DLG2: variants seen among roughly 807,000 people sequenced by gnomAD.
The protein encoded by DLG2 is discs large MAGUK scaffold protein 2.
A neutral mutation model predicts 132.5 loss-of-function variants in DLG2; 45 were observed. That is an observed-to-expected ratio of 0.34 (90% confidence interval 0.27 to 0.44). The LOEUF (loss-of-function observed/expected upper bound fraction) is 0.44, where lower values mean the gene tolerates loss of function less well. Ranked by LOEUF, DLG2 falls within the 20% of genes least tolerant of loss-of-function variation. The pLI is 1.00. For missense variants in DLG2, 1,045 were observed against 1,196.9 expected (o/e 0.87, Z 1.87); for synonymous variants, 424 against 419.6 (o/e 1.01, Z -0.13).
At chr11:83,503,420 T>TAGATATAGATAG (rs1320528874) in intron 21 of DLG2, among the ~76,000 whole-genome samples, 1 of 78,360 alleles carries the variant, frequency 1.3e-5, no homozygotes, top group Non-Finnish European at 2.7e-5. Context: ...TATATATATA[T>TAGATATAGATAG]ATAGATAGAT....
At chr11:84,728,522 G>A (rs2062770875) in intron 6 of DLG2, among the ~76,000 whole-genome samples, 1 of 152,162 alleles carries the variant, frequency 6.6e-6, no homozygotes, top group Non-Finnish European at 1.5e-5. Context: ...TCGCATCGAT[G>A]TTCATCAGGA....
chr11:83,683,655 A>C (rs1285783123), intron 18 of DLG2, among the ~76,000 whole-genome samples: 2 of 152,242 alleles, frequency 1.3e-5, no homozygotes, highest in East Asian at 1.9e-4. Context: ...TAAATGGAGA[A>C]TATCAAGAAA....
At chr11:83,832,326 T>C (rs995437664) in intron 17 of DLG2, among the ~76,000 whole-genome samples, 19 of 152,144 alleles carry the variant, frequency 1.2e-4, no homozygotes, top group African/African-American at 4.3e-4. Flanking sequence ...ATGGCATAGA[T>C]TGTGGTGATG....
intron 6 of DLG2, among the ~76,000 whole-genome samples, chr11:84,732,580 A>G (rs191079573): frequency 1.3e-5 from 2 of 151,726 alleles, no homozygotes; most frequent in Non-Finnish European, 1.5e-5. Context: ...ATCAATTCAA[A>G]TCTTTTACCT....
intron 15 of DLG2, among the ~76,000 whole-genome samples, chr11:83,894,019 A>C (rs889078684): frequency 6.6e-6 from 1 of 152,258 alleles, no homozygotes; most frequent in Non-Finnish European, 1.5e-5. Context: ...TTATCAAGGC[A>C]TATCCTCATT....
At chr11:83,683,102 T>C (rs1216941000) in intron 18 of DLG2, among the ~76,000 whole-genome samples, 2 of 152,208 alleles carry the variant, frequency 1.3e-5, no homozygotes, top group East Asian at 3.8e-4. Context: ...TGGGGAGCAG[T>C]GCCTGAGCTT....
chr11:83,644,401 A>C (rs2067504471), intron 18 of DLG2, among the ~76,000 whole-genome samples: 1 of 152,176 alleles, frequency 6.6e-6, no homozygotes. Flanking sequence ...GGTGAAAGGA[A>C]GAATCGGCAA....
At chr11:84,426,885 G>A (rs1227999498) in intron 7 of DLG2, among the ~76,000 whole-genome samples, 1 of 152,090 alleles carries the variant, frequency 6.6e-6, no homozygotes, top group Non-Finnish European at 1.5e-5. Flanking sequence ...GAGAATGTAT[G>A]GGAAAGGCTG....
intron 6 of DLG2, among the ~76,000 whole-genome samples, chr11:84,874,795 C>G (rs2086068610): frequency 6.6e-6 from 1 of 151,940 alleles, no homozygotes; most frequent in Non-Finnish European, 1.5e-5. Flanking sequence ...CCGAGGCGAG[C>G]TGATTACCTG....
At chr11:84,541,133 A>G (rs963421701) in intron 6 of DLG2, among the ~76,000 whole-genome samples, 6 of 152,096 alleles carry the variant, frequency 3.9e-5, no homozygotes, top group African/African-American at 1.4e-4. Context: ...TGGCACATGT[A>G]TACATATGTA....
At chr11:83,962,736 T>C (rs1408900560) in intron 14 of DLG2, 149 bp downstream of exon 14, 3 of 904,744 alleles carry the variant, frequency 3.3e-6, no homozygotes, top group Non-Finnish European at 5.1e-6. Context: ...AATGACACAG[T>C]TGCAATGCAC....
At chr11:84,563,001 C>T (rs1442842085) in intron 6 of DLG2, among the ~76,000 whole-genome samples, 4 of 152,154 alleles carry the variant, frequency 2.6e-5, no homozygotes, top group African/African-American at 9.7e-5. Flanking sequence ...ATCCTCTCGC[C>T]TCAGCCTCCC....
At chr11:85,448,304 C>T (rs1597414372) in intron 3 of DLG2, among the ~76,000 whole-genome samples, 1 of 152,228 alleles carries the variant, frequency 6.6e-6, no homozygotes, top group East Asian at 1.9e-4. Flanking sequence ...TTTTAAAACA[C>T]TACATTCAGT....
chr11:84,154,972 C>T (rs986265583), intron 9 of DLG2, among the ~76,000 whole-genome samples: 3 of 152,092 alleles, frequency 2.0e-5, no homozygotes, highest in Non-Finnish European at 4.4e-5. Context: ...TCAGAGTGCA[C>T]AGGCAACCTA....
At chr11:84,960,648 AG>A (rs1343779607) in intron 6 of DLG2, among the ~76,000 whole-genome samples, 1 of 152,014 alleles carries the variant, frequency 6.6e-6, no homozygotes, top group African/African-American at 2.4e-5. Context: ...CGTATTGCCC[AG>A]GTTGGTCTCA....
At position 84,941,244 on chromosome 11, in the gene DLG2, G is replaced by C. The variant is rs934370799; in HGVS notation, c.357+170417C>G. Among the ~76,000 whole-genome samples, 5 of 152,206 alleles carry C rather than the reference G, an allele frequency of 3.3e-5. No homozygotes were observed. In the East Asian group the frequency reaches 9.6e-4, roughly 29 times the overall value. On this transcript the variant is annotated intron_variant, in intron 6 of 27. Coordinates refer to ENST00000376104, the MANE Select transcript of DLG2 (RefSeq NM_001142699.3). ...GTTTTCACATAAAATTTTTAAGATT[G>C]TTTTAGCTATTTCTGTGAGAATGTC...
chr11:84,252,859 T>C (rs1176032931), intron 7 of DLG2, among the ~76,000 whole-genome samples: 2 of 152,214 alleles, frequency 1.3e-5, no homozygotes, highest in Non-Finnish European at 2.9e-5. Context: ...CATGGTGGTT[T>C]TGGAAAGTGC....
At chr11:83,791,532 T>A in intron 17 of DLG2, 1 of 593,356 alleles carries the variant, frequency 1.7e-6, no homozygotes, top group Admixed American at 2.5e-5. Context: ...TTTACTTTTA[T>A]TCAAGTTAAA....
At chr11:84,658,696 C>A (rs2099691125) in intron 6 of DLG2, among the ~76,000 whole-genome samples, 1 of 151,990 alleles carries the variant, frequency 6.6e-6, no homozygotes, top group Admixed American at 6.6e-5. Flanking sequence ...CTCTCTCTTG[C>A]TCTCTCTCTG....
Sources: gnomAD v4.1 joint callset for allele counts (sites outside exome capture counted in the v4.1 genomes callset) on GRCh38, gnomAD v4.1.1 for gene constraint, MANE v1.5 for transcripts, NCBI Gene and HGNC (gene_info 2026-07-23, HGNC 2026-07-21) for gene names.